Variants in FTO observed in about 807,000 individuals in gnomAD.
FTO encodes the protein alpha-ketoglutarate-dependent dioxygenase FTO.
In FTO, 47 loss-of-function variants were observed where a neutral mutation model predicts 63.9. The observed-to-expected ratio is 0.74, with a 90% CI of 0.58 to 0.94. FTO has a LOEUF of 0.94. Ranked by LOEUF, FTO falls within the 40% of genes least tolerant of loss-of-function variation. The pLI, the probability that FTO is intolerant of heterozygous loss-of-function variation, is 0.00. For synonymous variants in FTO, 207 were observed against 224.4 expected (o/e 0.92, Z 0.69); for missense variants, 562 against 618.1 (o/e 0.91, Z 0.96).
At chr16:53,875,765 A>G (rs16952614) in intron 5 of FTO, among the ~76,000 whole-genome samples, 2,293 of 152,336 alleles carry the variant, frequency 0.015, 44 homozygotes, top group African/African-American at 0.046. Flanking sequence ...GGACTTGTGA[A>G]CAGGAATGGT....
chr16:53,719,558 C>T (rs539200859), intron 1 of FTO, among the ~76,000 whole-genome samples: 1 of 150,290 alleles, frequency 6.7e-6, no homozygotes, highest in East Asian at 2.0e-4. Context: ...TTCACTTTTT[C>T]CATCTTCTTT....
intron 1 of FTO, among the ~76,000 whole-genome samples, chr16:53,736,086 A>G (rs1481938061): frequency 6.6e-6 from 1 of 152,194 alleles, no homozygotes; most frequent in Admixed American, 6.5e-5. Flanking sequence ...TATTATGTCC[A>G]TTTTATGGAT....
intron 8 of FTO, among the ~76,000 whole-genome samples, chr16:54,050,190 A>G (rs1009389426): frequency 2.0e-5 from 3 of 152,130 alleles, no homozygotes; most frequent in Middle Eastern, 3.2e-3. Flanking sequence ...TTATTTGTCA[A>G]TTATGAGTCC....
intron 1 of FTO, among the ~76,000 whole-genome samples, chr16:53,754,776 G>C (rs573453587): frequency 6.6e-6 from 1 of 152,156 alleles, no homozygotes; most frequent in African/African-American, 2.4e-5. Context: ...ATGACGCTGA[G>C]GTATTTAAAA....
At chr16:53,870,136 A>AT (rs2080454121) in intron 4 of FTO, among the ~76,000 whole-genome samples, 2 of 152,108 alleles carry the variant, frequency 1.3e-5, no homozygotes, top group Admixed American at 6.5e-5. Flanking sequence ...AGGGGCTAGG[A>AT]GTTCTAGGTG....
intron 1 of FTO, among the ~76,000 whole-genome samples, chr16:53,719,756 A>G (rs2151485112): frequency 6.6e-6 from 1 of 151,402 alleles, no homozygotes; most frequent in South Asian, 2.1e-4. Context: ...CAACATCTTG[A>G]GATGAATGCT....
chr16:53,934,033 C>A lies in FTO; in HGVS notation c.1288C>A (p.Gln430Lys). Residue 430 changes from glutamine (Q) to lysine (K), a missense_variant, in exon 8 of 9, where the codon CAA becomes AAA. Coordinates refer to ENST00000471389, the MANE Select transcript of FTO (RefSeq NM_001080432.3). ...EVKREGLPVEQRNEILTAILA... is the reference protein window; with the variant it reads ...EVKREGLPVEKRNEILTAILA... ...TAAAAGAGAGGGGCTCCCCGTGGAA[C>A]AAAGGAATGAAATCTTGACTGCCAT... 4 of 1,614,014 alleles carry A rather than the reference C, an allele frequency of 2.5e-6. No individual in the cohort carries two copies. Among genetic ancestry groups the A allele is most frequent in the Non-Finnish European group, 3.4e-6 (4 of 1,179,886 alleles).
At chr16:53,766,376 T>A (rs1345307538) in intron 1 of FTO, among the ~76,000 whole-genome samples, 2 of 152,086 alleles carry the variant, frequency 1.3e-5, no homozygotes, top group Non-Finnish European at 2.9e-5. Context: ...CAGGCGTACA[T>A]CACTACTCCT....
At chr16:53,784,047 A>C (rs192156797) in intron 1 of FTO, among the ~76,000 whole-genome samples, 1 of 152,200 alleles carries the variant, frequency 6.6e-6, no homozygotes, top group Non-Finnish European at 1.5e-5. Flanking sequence ...GTAACTCTAT[A>C]GTCACTTACA....
At chr16:53,728,356 C>T (rs1010629204) in intron 1 of FTO, among the ~76,000 whole-genome samples, 2 of 152,126 alleles carry the variant, frequency 1.3e-5, no homozygotes, top group African/African-American at 4.8e-5. Context: ...TTGCTTATGA[C>T]ATCACGTTTT....
At chr16:54,005,306 G>C (rs2084175721) in intron 8 of FTO, among the ~76,000 whole-genome samples, 1 of 145,560 alleles carries the variant, frequency 6.9e-6, no homozygotes, top group South Asian at 2.1e-4. Context: ...ATTAAGCCAA[G>C]TCCTATGAAG....
At chr16:53,790,835 C>T (rs1241532497) in intron 1 of FTO, among the ~76,000 whole-genome samples, 1 of 152,006 alleles carries the variant, frequency 6.6e-6, no homozygotes, top group Non-Finnish European at 1.5e-5. Flanking sequence ...GTGGGATTTA[C>T]CTGATGATCT....
intron 8 of FTO, among the ~76,000 whole-genome samples, chr16:54,080,757 T>A (rs2086121106): frequency 6.6e-6 from 1 of 152,250 alleles, no homozygotes; most frequent in Non-Finnish European, 1.5e-5. Flanking sequence ...TGAAGAATTC[T>A]CTTTAACAAA....
intron 7 of FTO, among the ~76,000 whole-genome samples, chr16:53,926,983 C>T (rs2082157922): frequency 6.6e-6 from 1 of 152,196 alleles, no homozygotes; most frequent in African/African-American, 2.4e-5. Flanking sequence ...CCCTAAGAAA[C>T]TTCGTGGAAG....
chr16:53,779,542 C>A (rs767909975), intron 1 of FTO, among the ~76,000 whole-genome samples: 17 of 152,174 alleles, frequency 1.1e-4, no homozygotes, highest in Non-Finnish European at 2.5e-4. Context: ...CTCTAAACTT[C>A]TACGGGCTTC....
chr16:53,997,579 G>T (rs1357417550), intron 8 of FTO, among the ~76,000 whole-genome samples: 1 of 148,862 alleles, frequency 6.7e-6, no homozygotes, highest in African/African-American at 2.5e-5. Context: ...GCGGGGCGGG[G>T]TGGGAGTGGG....
intron 8 of FTO, among the ~76,000 whole-genome samples, chr16:54,093,811 T>C (rs2086451942): frequency 6.6e-6 from 1 of 152,186 alleles, no homozygotes; most frequent in Non-Finnish European, 1.5e-5. Context: ...TGCCCCCATC[T>C]CTACCAGGCA....
At chr16:53,731,448 G>A (rs1037611977) in intron 1 of FTO, among the ~76,000 whole-genome samples, 4 of 152,112 alleles carry the variant, frequency 2.6e-5, no homozygotes, top group Non-Finnish European at 4.4e-5. Flanking sequence ...AGGTCTCTAT[G>A]TTTACTACTA....
intron 1 of FTO, among the ~76,000 whole-genome samples, chr16:53,767,574 G>A (rs574904741): frequency 1.8e-4 from 28 of 151,678 alleles, no homozygotes; most frequent in Non-Finnish European, 3.8e-4. Context: ...TTTGGAGCCT[G>A]GCTTTATGAA....
Sources: gnomAD v4.1 joint callset for allele counts (sites outside exome capture counted in the v4.1 genomes callset) on GRCh38, gnomAD v4.1.1 for gene constraint, MANE v1.5 for transcripts, NCBI Gene and HGNC (gene_info 2026-07-23, HGNC 2026-07-21) for gene names.